The following ASXL3 variants were observed in gnomAD, a reference collection of about 807,000 sequenced individuals.
The protein encoded by ASXL3 is putative Polycomb group protein ASXL3.
Under a neutral mutation model 170.6 loss-of-function variants are expected in ASXL3, and 34 were observed. That is an observed-to-expected ratio of 0.20 (90% confidence interval 0.15 to 0.27). ASXL3 has a LOEUF of 0.27. ASXL3 is among the 10% of genes least tolerant of loss of function. ASXL3 has a pLI of 1.00. For missense variants in ASXL3, 2,592 were observed against 2,695.3 expected, an observed-to-expected ratio of 0.96 and a Z score of 0.85; for synonymous variants, 1,002 against 989.1, an observed-to-expected ratio of 1.01 and a Z score of -0.24.
chr18:33,653,056 A>C (rs2145214833), intron 4 of ASXL3, among the ~76,000 whole-genome samples: 1 of 152,038 alleles, frequency 6.6e-6, no homozygotes. Context: ...TTGTGAAGGG[A>C]GTGTTTTGAG....
intron 4 of ASXL3, among the ~76,000 whole-genome samples, chr18:33,652,358 C>T (rs2066012145): frequency 2.0e-5 from 3 of 151,888 alleles, no homozygotes; most frequent in Admixed American, 2.0e-4. Context: ...CTCTCTTCAT[C>T]CTCTATCTAT....
At chr18:33,707,670 C>T (rs1027812270) in intron 8 of ASXL3, among the ~76,000 whole-genome samples, 1 of 151,754 alleles carries the variant, frequency 6.6e-6, no homozygotes, top group Admixed American at 6.6e-5. Context: ...CCTTTCTTGC[C>T]TTATTTCACT....
intron 8 of ASXL3, among the ~76,000 whole-genome samples, chr18:33,687,337 C>G (rs1401457366): frequency 6.6e-6 from 1 of 152,166 alleles, no homozygotes; most frequent in African/African-American, 2.4e-5. Flanking sequence ...ACCACTGTTT[C>G]ATGGCCATAA....
intron 11 of ASXL3, 125 bp downstream of exon 11, chr18:33,740,568 C>T: frequency 1.1e-6 from 1 of 942,938 alleles, no homozygotes; most frequent in South Asian, 2.2e-5. Context: ...TAATCTAATC[C>T]TCTAATAGTA....
chr18:33,688,328 T>C (rs1374453655), intron 8 of ASXL3, among the ~76,000 whole-genome samples: 1 of 152,214 alleles, frequency 6.6e-6, no homozygotes, highest in Non-Finnish European at 1.5e-5. Context: ...TTGGAGTAGA[T>C]GCTTCGTAGG....
intron 8 of ASXL3, 141 bp downstream of exon 8, chr18:33,683,709 TA>T: frequency 1.1e-6 from 1 of 907,040 alleles, no homozygotes; most frequent in Non-Finnish European, 1.6e-6. Context: ...GTCATTAGCT[TA>T]TTTAATCCTC....
intron 1 of ASXL3, among the ~76,000 whole-genome samples, chr18:33,580,578 G>C (rs1307300936): frequency 1.3e-5 from 2 of 152,144 alleles, no homozygotes; most frequent in Non-Finnish European, 2.9e-5. Flanking sequence ...TTTAAAGCTA[G>C]CCATTTGTAT....
chr18:33,694,458 A>AT (rs2066739514), intron 8 of ASXL3, among the ~76,000 whole-genome samples: 1 of 152,114 alleles, frequency 6.6e-6, no homozygotes, highest in African/African-American at 2.4e-5. Flanking sequence ...ACTGATGAGT[A>AT]GGTTGTTGTC....
chr18:33,733,179 A>G (rs1266715893), intron 9 of ASXL3, among the ~76,000 whole-genome samples: 1 of 152,044 alleles, frequency 6.6e-6, no homozygotes, highest in East Asian at 1.9e-4. Flanking sequence ...GAATTTTCAA[A>G]TCTGGCTTTC....
chr18:33,622,854 G>A (rs1022532675), intron 2 of ASXL3, among the ~76,000 whole-genome samples: 5 of 152,150 alleles, frequency 3.3e-5, no homozygotes, highest in African/African-American at 1.2e-4. Context: ...ATTCGAGGAG[G>A]CATGTTCCAA....
At chr18:33,691,953 T>C (rs2145306025) in intron 8 of ASXL3, among the ~76,000 whole-genome samples, 1 of 152,326 alleles carries the variant, frequency 6.6e-6, no homozygotes, top group South Asian at 2.1e-4. Context: ...TCAACCCCAC[T>C]TTCTATATGT....
At chr18:33,675,989 C>T (rs1158390310) in intron 7 of ASXL3, among the ~76,000 whole-genome samples, 1 of 151,936 alleles carries the variant, frequency 6.6e-6, no homozygotes, top group African/African-American at 2.4e-5. Context: ...CTTTGGGAGG[C>T]CAAGGCGGGC....
intron 8 of ASXL3, among the ~76,000 whole-genome samples, chr18:33,730,549 A>T (rs141114566): frequency 1.3e-5 from 2 of 152,298 alleles, no homozygotes; most frequent in Non-Finnish European, 2.9e-5. Flanking sequence ...CAGTCAAAAG[A>T]TGGGGAAGCT....
intron 2 of ASXL3, among the ~76,000 whole-genome samples, chr18:33,636,368 A>G (rs553592272): frequency 6.6e-5 from 10 of 152,186 alleles, no homozygotes; most frequent in Non-Finnish European, 8.8e-5. Context: ...AGCCACAACA[A>G]CAGCCACAGC....
At chr18:33,719,508 A>G (rs1182885686) in intron 8 of ASXL3, among the ~76,000 whole-genome samples, 2 of 152,064 alleles carry the variant, frequency 1.3e-5, no homozygotes, top group Non-Finnish European at 2.9e-5. Context: ...TGTTAACTAA[A>G]GAAAGTCATG....
chr18:33,713,124 T>C (rs2067096334), intron 8 of ASXL3, among the ~76,000 whole-genome samples: 1 of 151,820 alleles, frequency 6.6e-6, no homozygotes, highest in South Asian at 2.1e-4. Flanking sequence ...TCATCTCTAG[T>C]GTGGCTCAAA....
chr18:33,664,565 T>C (rs920866899), intron 5 of ASXL3, among the ~76,000 whole-genome samples: 2 of 152,160 alleles, frequency 1.3e-5, no homozygotes, highest in Non-Finnish European at 2.9e-5. Context: ...CTCTTAGAAA[T>C]AAGTAGATTT....
intron 8 of ASXL3, among the ~76,000 whole-genome samples, chr18:33,684,855 G>A (rs1241657065): frequency 6.6e-6 from 1 of 152,076 alleles, no homozygotes; most frequent in African/African-American, 2.4e-5. Flanking sequence ...TTCTTGAATT[G>A]GGCCTTGAGA....
At chr18:33,710,877 TTTG>T (rs964058931) in intron 8 of ASXL3, among the ~76,000 whole-genome samples, 2 of 152,182 alleles carry the variant, frequency 1.3e-5, no homozygotes, top group Non-Finnish European at 2.9e-5. Flanking sequence ...TTTATGGGTT[TTTG>T]TTTGGGGGGG....
Sources: gnomAD v4.1 joint callset for allele counts (sites outside exome capture counted in the v4.1 genomes callset) on GRCh38, gnomAD v4.1.1 for gene constraint, MANE v1.5 for transcripts, NCBI Gene and HGNC (gene_info 2026-07-23, HGNC 2026-07-21) for gene names.